Variants in HAPLN1 observed in about 807,000 individuals in gnomAD.
HAPLN1 encodes Cartilage link protein.
In HAPLN1, 13 loss-of-function variants were observed where a neutral mutation model predicts 36.5. The observed-to-expected ratio is 0.36, with a 90% CI of 0.23 to 0.57. HAPLN1 has a LOEUF of 0.57. HAPLN1 is among the 20% of genes least tolerant of loss of function. The pLI, the probability that HAPLN1 is intolerant of heterozygous loss-of-function variation, is 0.83. For synonymous variants in HAPLN1, 202 were observed against 169.8 expected (o/e 1.19, Z -1.48); for missense variants, 407 against 439.7 (o/e 0.93, Z 0.66).
intron 1 of HAPLN1, chr5:83,682,647 T>C (rs1435542109): frequency 1.3e-5 from 2 of 152,136 alleles, no homozygotes; most frequent in Admixed American, 1.3e-4. Flanking sequence ...CAGAATTCAG[T>C]TCATTGGTAT....
chr5:83,712,706 G>A (rs1751820460), intron 1 of HAPLN1, among the ~76,000 whole-genome samples: 1 of 151,902 alleles, frequency 6.6e-6, no homozygotes, highest in Non-Finnish European at 1.5e-5. Flanking sequence ...GGGTTGTCAG[G>A]TTTAGTTAAA....
chr5:83,642,352 C>T (rs977060864), intron 4 of HAPLN1, among the ~76,000 whole-genome samples: 4 of 152,178 alleles, frequency 2.6e-5, no homozygotes, highest in Admixed American at 6.5e-5. Flanking sequence ...ACAGATAATA[C>T]GTACTTAGAA....
rs138578584 is a variant in HAPLN1 at position 83,710,264 on chromosome 5, C to A, written c.-27+10525G>T. On this transcript the variant is annotated intron_variant, in intron 1 of 4. Coordinates refer to ENST00000274341, the MANE Select transcript of HAPLN1 (RefSeq NM_001884.4). Reference sequence around the variant, plus strand: ...CATTGAAATACAAACAGCCAAGAGGCCGGTAGACTTCTCTTTAGAAGCCTG... The same window carrying A: ...CATTGAAATACAAACAGCCAAGAGGACGGTAGACTTCTCTTTAGAAGCCTG... 2.7e-3 allele frequency among the ~76,000 whole-genome samples: 418 copies of A among 152,186 alleles called. 1 individual carries two copies. The highest frequency in any genetic ancestry group is 6.8e-3 in the Middle Eastern group (2 of 294).
In HAPLN1 at chr5:83,662,817, G is replaced by A. The variant is rs1433087885; in HGVS notation, c.101-9993C>T. Among the ~76,000 whole-genome samples the A allele has an allele frequency of 2.0e-5, 3 of 152,184 alleles. No homozygotes were observed. In the South Asian group the frequency reaches 6.2e-4, roughly 31 times the overall value. Reference sequence around the variant, plus strand: ...ACTTTGTGGTAAAGTGTGAGGTTAAGTAATTTGTAATTTGTAGAATGACAC... The same window carrying A: ...ACTTTGTGGTAAAGTGTGAGGTTAAATAATTTGTAATTTGTAGAATGACAC... On this transcript the variant is annotated intron_variant, in intron 2 of 4. Transcript: ENST00000274341.
intron 3 of HAPLN1, among the ~76,000 whole-genome samples, chr5:83,648,859 T>C (rs1749964163): frequency 6.6e-6 from 1 of 152,208 alleles, no homozygotes; most frequent in East Asian, 1.9e-4. Flanking sequence ...CGTGTGTGGT[T>C]CAGCACAGAT....
chr5:83,662,532 T>C (rs1750433498), intron 2 of HAPLN1, among the ~76,000 whole-genome samples: 1 of 152,158 alleles, frequency 6.6e-6, no homozygotes, highest in East Asian at 1.9e-4. Context: ...TATAGAGTGA[T>C]TAAAGAACAC....
At chr5:83,708,568 A>G (rs534451405) in intron 1 of HAPLN1, among the ~76,000 whole-genome samples, 2 of 152,268 alleles carry the variant, frequency 1.3e-5, no homozygotes, top group East Asian at 3.9e-4. Context: ...TTGAGGGTGG[A>G]GGTTGGGAAG....
intron 2 of HAPLN1, among the ~76,000 whole-genome samples, chr5:83,672,574 C>A (rs1318580210): frequency 2.6e-5 from 4 of 152,214 alleles, no homozygotes; most frequent in African/African-American, 9.6e-5. Flanking sequence ...ACAAGTCATA[C>A]TTTTCACAGT....
At chr5:83,700,762 C>T (rs1751490460) in intron 1 of HAPLN1, among the ~76,000 whole-genome samples, 1 of 151,494 alleles carries the variant, frequency 6.6e-6, no homozygotes, top group Non-Finnish European at 1.5e-5. Flanking sequence ...TGCAGATAGT[C>T]AACGATGGCA....
At chr5:83,718,404 C>T (rs1217880702) in intron 1 of HAPLN1, among the ~76,000 whole-genome samples, 1 of 152,170 alleles carries the variant, frequency 6.6e-6, no homozygotes, top group Non-Finnish European at 1.5e-5. Flanking sequence ...AGGTGGCACA[C>T]AGGGACCATG....
chr5:83,648,309 A>G (rs915576680), intron 3 of HAPLN1, among the ~76,000 whole-genome samples: 1 of 147,662 alleles, frequency 6.8e-6, no homozygotes, highest in Non-Finnish European at 1.5e-5. Context: ...GTATGGTTAT[A>G]TGGACAGTTC....
chr5:83,681,601 C>T (rs759189023), intron 1 of HAPLN1, among the ~76,000 whole-genome samples: 3 of 152,024 alleles, frequency 2.0e-5, no homozygotes, highest in Non-Finnish European at 4.4e-5. Context: ...CCCTCAACCT[C>T]CTGGGCTCAA....
At chr5:83,711,560 G>A (rs1190725012) in intron 1 of HAPLN1, among the ~76,000 whole-genome samples, 1 of 152,204 alleles carries the variant, frequency 6.6e-6, no homozygotes, top group African/African-American at 2.4e-5. Context: ...TAGGAGGAAT[G>A]AAGAAAATCT....
intron 2 of HAPLN1, among the ~76,000 whole-genome samples, chr5:83,656,121 A>T (rs1468237270): frequency 6.6e-6 from 1 of 152,084 alleles, no homozygotes; most frequent in Non-Finnish European, 1.5e-5. Context: ...TGAGGTCAGG[A>T]GTTCGAGATC....
chr5:83,696,943 G>T (rs1222234465), intron 1 of HAPLN1, among the ~76,000 whole-genome samples: 1 of 152,076 alleles, frequency 6.6e-6, no homozygotes, highest in Non-Finnish European at 1.5e-5. Context: ...CAGTGCAGTG[G>T]TTTTTAGTAC....
chr5:83,690,800 T>A (rs889121817), intron 1 of HAPLN1, among the ~76,000 whole-genome samples: 8 of 152,066 alleles, frequency 5.3e-5, no homozygotes, highest in African/African-American at 1.9e-4. Context: ...ATTATTATGA[T>A]CAATTACCAA....
chr5:83,704,709 C>A (rs566218235), intron 1 of HAPLN1, among the ~76,000 whole-genome samples: 205 of 152,246 alleles, frequency 1.3e-3, no homozygotes, highest in African/African-American at 4.6e-3. Flanking sequence ...ATCTGACTAT[C>A]CTAAATTTAT....
chr5:83,667,862 A>G (rs1467941735), intron 2 of HAPLN1, among the ~76,000 whole-genome samples: 1 of 152,244 alleles, frequency 6.6e-6, no homozygotes, highest in Non-Finnish European at 1.5e-5. Context: ...TGCATGAGGA[A>G]GATTGCTGCA....
chr5:83,708,230 T>G (rs1318947297), intron 1 of HAPLN1, among the ~76,000 whole-genome samples: 6 of 152,208 alleles, frequency 3.9e-5, no homozygotes. Context: ...CAGAGGAATA[T>G]AAATCATTCT....
Sources: gnomAD v4.1 joint callset for allele counts (sites outside exome capture counted in the v4.1 genomes callset) on GRCh38, gnomAD v4.1.1 for gene constraint, MANE v1.5 for transcripts, NCBI Gene and HGNC (gene_info 2026-07-23, HGNC 2026-07-21) for gene names.